TRPM7: variants seen among roughly 807,000 people sequenced by gnomAD.
TRPM7 encodes LTRPC ion channel family member 7.
TRPM7 carries 134 observed loss-of-function variants against 229.7 expected under a neutral mutation model. The observed-to-expected ratio is 0.58, with a 90% CI of 0.51 to 0.67. TRPM7 has a LOEUF of 0.67. Ranked by LOEUF, TRPM7 falls within the 30% of genes least tolerant of loss-of-function variation. The pLI is 0.00. For synonymous variants in TRPM7, 699 were observed against 715.2 expected, an observed-to-expected ratio of 0.98 and a Z score of 0.36; for missense variants, 1,901 against 2,210.0, an observed-to-expected ratio of 0.86 and a Z score of 2.80.
At chr15:50,562,273 G>A (rs2053352183) in intron 38 of TRPM7, among the ~76,000 whole-genome samples, 1 of 152,030 alleles carries the variant, frequency 6.6e-6, no homozygotes, top group Non-Finnish European at 1.5e-5. Flanking sequence ...AAATTCAGTA[G>A]TCACCAAATT....
At chr15:50,684,498 G>A (rs1020332975) in intron 1 of TRPM7, among the ~76,000 whole-genome samples, 5 of 151,888 alleles carry the variant, frequency 3.3e-5, no homozygotes, top group East Asian at 1.9e-4. Context: ...AAAATTAGCC[G>A]GGTGTGGTGG....
chr15:50,596,875 C>G (rs996052821), intron 22 of TRPM7, among the ~76,000 whole-genome samples: 1 of 152,266 alleles, frequency 6.6e-6, no homozygotes, highest in Non-Finnish European at 1.5e-5. Flanking sequence ...CTCAGCCGCC[C>G]GAATAGCTGG....
chr15:50,629,796 A>G (rs944597681), intron 10 of TRPM7, among the ~76,000 whole-genome samples: 2 of 151,740 alleles, frequency 1.3e-5, no homozygotes, highest in African/African-American at 4.8e-5. Context: ...ACTTGAACAC[A>G]GTGGTTAATA....
chr15:50,586,186 A>G (rs1468733700), intron 28 of TRPM7, among the ~76,000 whole-genome samples: 2 of 152,238 alleles, frequency 1.3e-5, no homozygotes, highest in Admixed American at 1.3e-4. Context: ...TACAGAATAA[A>G]CAATTTGTAA....
intron 4 of TRPM7, among the ~76,000 whole-genome samples, chr15:50,645,803 T>C (rs1166548278): frequency 1.3e-5 from 2 of 152,176 alleles, no homozygotes; most frequent in Admixed American, 1.3e-4. Context: ...GATTTGGACA[T>C]ACTCTGCCCC....
intron 1 of TRPM7, among the ~76,000 whole-genome samples, chr15:50,677,738 C>CAAAAAAAAA (rs10652951): frequency 2.9e-4 from 11 of 38,166 alleles, no homozygotes; most frequent in African/African-American, 5.3e-4. Flanking sequence ...GACCCCGTAT[C>CAAAAAAAAA]AAAAAAAAAA....
Position 50,561,570 on chromosome 15 carries a change from C to T in TRPM7, c.*108G>A. 1 of 1,341,406 alleles carries T rather than the reference C, an allele frequency of 7.5e-7. No homozygotes were observed. The highest frequency in any genetic ancestry group is 2.4e-4 in the Middle Eastern group (1 of 4,196). 83.1% of individuals were successfully genotyped at this position (1,341,406 alleles called of 1,614,324 possible). A position where few individuals can be genotyped will look rare whatever the true frequency, so the allele number is the denominator to read the frequency against. On this transcript the variant is annotated 3_prime_UTR_variant, in exon 39 of 39. Transcript: ENST00000646667. ...ACTGTGCTGGAGTCAGCAAATTCAA[C>T]TTGCATACACCTTTCTATATTACCA...
At chr15:50,632,309 T>G (rs1017102573) in intron 9 of TRPM7, among the ~76,000 whole-genome samples, 5 of 151,550 alleles carry the variant, frequency 3.3e-5, no homozygotes, top group African/African-American at 4.8e-5. Context: ...AAAAAATAAA[T>G]AAAAATAAAG....
chr15:50,631,119 G>T (rs931596514), intron 10 of TRPM7, among the ~76,000 whole-genome samples: 1 of 152,170 alleles, frequency 6.6e-6, no homozygotes. Context: ...GAGCCACCAT[G>T]CCTGGCCCAG....
chr15:50,577,515 C>G (rs1419408847), intron 31 of TRPM7, among the ~76,000 whole-genome samples: 4 of 152,148 alleles, frequency 2.6e-5, no homozygotes. Flanking sequence ...CCACTATACT[C>G]CCTACTCCAG....
rs746072628 is a variant in TRPM7, at chr15:50,591,945, T to G, written c.4290A>C (p.Thr1430=). 3 of 1,590,444 alleles carry G rather than the reference T, an allele frequency of 1.9e-6. No individual in the cohort carries two copies. In the East Asian group the frequency reaches 6.7e-5, roughly 36 times the overall value. The change falls in exon 26 of 39, where the codon ACA becomes ACC. Residue 1430 remains threonine, a synonymous_variant. Transcript: ENST00000646667. The stretch of plus-strand genomic sequence containing the variant: ...CTCCAAATTCTGTATTATCTCCTTC[T>G]GTAGCTTTAGAGCAAACAGTTTCTT... The part of the protein sequence containing the change: ...KDQETVCSKA[T]EGDNTEFGAF...
intron 38 of TRPM7, among the ~76,000 whole-genome samples, chr15:50,564,758 T>C (rs2053516940): frequency 6.6e-6 from 1 of 152,168 alleles, no homozygotes; most frequent in African/African-American, 2.4e-5. Flanking sequence ...AAACAGCCTA[T>C]ATTAAACAAT....
intron 30 of TRPM7, among the ~76,000 whole-genome samples, chr15:50,578,929 G>A (rs145254948): frequency 1.5e-3 from 229 of 151,534 alleles, no homozygotes; most frequent in Admixed American, 2.2e-3. Context: ...TAGCAGTTTG[G>A]TGCCAAATTG....
At chr15:50,613,862 G>A (rs1325617565) in intron 14 of TRPM7, 21 bp from the exon 15 acceptor site, 18 of 1,601,170 alleles carry the variant, frequency 1.1e-5, no homozygotes, top group Non-Finnish European at 1.4e-5. Context: ...GATCTTATTA[G>A]CTTTTATAGA....
rs1019989296 is a variant in TRPM7 at position 50,559,394 on chromosome 15, T to C, written c.*2284A>G. 2.0e-5 allele frequency: 3 copies of C among 150,568 alleles called. No homozygotes were observed. Among genetic ancestry groups the C allele is most frequent in the Non-Finnish European group, 4.4e-5 (3 of 67,826 alleles). 9.3% of individuals were successfully genotyped at this position (150,568 alleles called of 1,614,324 possible). On this transcript the variant is annotated 3_prime_UTR_variant, in exon 39 of 39. Transcript: ENST00000646667. ...TTTTAGCAGAGATAGGATTTTGCCA[T>C]GTTGCCCAGGCTGGTCTCAAACTCC...
chr15:50,645,952 A>G (rs963817319), intron 4 of TRPM7, among the ~76,000 whole-genome samples: 5 of 151,874 alleles, frequency 3.3e-5, no homozygotes, highest in African/African-American at 1.2e-4. Context: ...CTTGAGGTCA[A>G]GAGTTCCAGA....
intron 1 of TRPM7, among the ~76,000 whole-genome samples, chr15:50,663,789 G>A (rs1156370854): frequency 2.0e-5 from 3 of 151,976 alleles, no homozygotes; most frequent in East Asian, 1.9e-4. Context: ...ATGGTGAAAC[G>A]CCATCTCTAC....
chr15:50,614,318 A>C, intron 13 of TRPM7, 55 bp from the exon 14 acceptor site: 1 of 1,467,280 alleles, frequency 6.8e-7, no homozygotes, highest in Non-Finnish European at 9.2e-7. Flanking sequence ...CAATATTGCC[A>C]TGCCCTGCCT....
intron 36 of TRPM7, among the ~76,000 whole-genome samples, chr15:50,573,998 A>C (rs1043336946): frequency 6.8e-6 from 1 of 146,140 alleles, no homozygotes; most frequent in Admixed American, 6.9e-5. Context: ...CGGAAGTTGC[A>C]GTGAGCTGAG....
Sources: allele counts gnomAD v4.1 joint callset (sites outside exome capture counted in the v4.1 genomes callset), GRCh38; gene constraint gnomAD v4.1.1; transcripts MANE v1.5; gene names NCBI Gene and HGNC (gene_info 2026-07-23, HGNC 2026-07-21).